ITCH: variants seen among roughly 807,000 people sequenced by gnomAD.
The protein encoded by ITCH is E3 ubiquitin-protein ligase Itchy homolog.
In ITCH, 28 loss-of-function variants were observed where a neutral mutation model predicts 126.8. The ratio of observed to expected loss-of-function variants is 0.22; its 90% confidence interval spans 0.16 to 0.30. The LOEUF is 0.30. Ranked by LOEUF, ITCH falls within the 10% of genes least tolerant of loss-of-function variation. The pLI is 1.00. For missense variants in ITCH, 631 were observed against 1,032.4 expected (o/e 0.61, Z 5.33); for synonymous variants, 342 against 340.0 (o/e 1.01, Z -0.06).
chr20:34,510,851 T>G lies in ITCH; in HGVS notation c.*3057T>G, dbSNP rs1186756974. 6.6e-6 allele frequency: 1 copy of G among 152,126 alleles called. No individual in the cohort carries two copies. Among genetic ancestry groups the G allele is most frequent in the Non-Finnish European group, 1.5e-5 (1 of 68,032 alleles). 9.4% of individuals were successfully genotyped at this position (152,126 alleles called of 1,614,324 possible). ...CAAAAAGACATATTCAGGTACTGAT[T>G]TTTCATCAAGAGATTGACATACCAA... On this transcript the variant is annotated 3_prime_UTR_variant, in exon 25 of 25. Coordinates refer to ENST00000374864, the MANE Select transcript of ITCH (RefSeq NM_031483.7).
At chr20:34,394,357 GT>G (rs968922750) in intron 3 of ITCH, among the ~76,000 whole-genome samples, 17 of 151,322 alleles carry the variant, frequency 1.1e-4, no homozygotes, top group Admixed American at 5.3e-4. Flanking sequence ...ATATTTTACA[GT>G]TTTTTTTTCC....
At position 34,381,864 on chromosome 20, in the gene ITCH, T is replaced by TA. The variant is rs751332155; in HGVS notation, c.-21-11910dup. On this transcript the variant is annotated intron_variant, in intron 2 of 24. Coordinates refer to ENST00000374864, the MANE Select transcript of ITCH (RefSeq NM_031483.7). ...TGTCAACAGAGCAAGTCCCTGTCTC[T>TA]AAAAAAAAAAAAAAAAATGGAAAGA... Among the ~76,000 whole-genome samples, 1,117 of 127,996 alleles carry TA rather than the reference T, an allele frequency of 8.7e-3. 8 individuals carry two copies. The highest frequency in any genetic ancestry group is 0.018 in the African/African-American group (628 of 34,450). The allele number at this position is 127,996 out of a possible 152,430, so 84.0% of individuals were successfully genotyped here.
chr20:34,412,435 A>G, intron 4 of ITCH, 80 bp from the exon 5 acceptor site: 1 of 1,144,794 alleles, frequency 8.7e-7, no homozygotes, highest in Non-Finnish European at 1.3e-6. Flanking sequence ...TTAGACTTTA[A>G]AACTGAATTG....
intron 20 of ITCH, among the ~76,000 whole-genome samples, chr20:34,485,618 A>G (rs893258168): frequency 8.5e-5 from 13 of 152,136 alleles, no homozygotes; most frequent in South Asian, 6.2e-4. Context: ...ATTTCAGATC[A>G]TTGATTTTAG....
At position 34,412,650 on chromosome 20, in the gene ITCH, A is replaced by G; in HGVS notation, c.337+11A>G. On this transcript the variant is annotated intron_variant, in intron 5 of 24. Transcript: ENST00000374864. ...CAAACAATATGAAACGTATGTATGT[A>G]AGACTAATAGAAATTGCACTTAGCT... The G allele has an allele frequency of 1.3e-6, 2 of 1,599,642 alleles. No homozygotes were observed. Among genetic ancestry groups the G allele is most frequent in the Admixed American group, 1.7e-5 (1 of 59,938 alleles).
At chr20:34,501,318 T>C (rs1183270473) in intron 23 of ITCH, among the ~76,000 whole-genome samples, 1 of 152,338 alleles carries the variant, frequency 6.6e-6, no homozygotes, top group South Asian at 2.1e-4. Flanking sequence ...TTAACTGTAA[T>C]ATAAGGGATT....
chr20:34,429,467 T>G (rs1981997437), intron 7 of ITCH, among the ~76,000 whole-genome samples: 1 of 152,210 alleles, frequency 6.6e-6, no homozygotes, highest in African/African-American at 2.4e-5. Context: ...TTCATTAGAT[T>G]TGGGGTGGGA....
At chr20:34,365,831 G>C (rs2037401827) in intron 1 of ITCH, among the ~76,000 whole-genome samples, 2 of 152,190 alleles carry the variant, frequency 1.3e-5, no homozygotes, top group African/African-American at 2.4e-5. Context: ...TTCTGAGATG[G>C]ATTTAGTAGG....
chr20:34,370,321 T>C (rs1221002378), intron 2 of ITCH, among the ~76,000 whole-genome samples: 1 of 152,012 alleles, frequency 6.6e-6, no homozygotes, highest in Non-Finnish European at 1.5e-5. Context: ...TCAAATAAAA[T>C]AATACCTATT....
rs557823104 is a variant in ITCH at position 34,492,784 on chromosome 20, C to T, written c.2416+187C>T. Among the ~76,000 whole-genome samples, 180 of 152,324 alleles carry T rather than the reference C, an allele frequency of 1.2e-3. 1 individual carries two copies. The highest frequency in any genetic ancestry group is 2.1e-3 in the Non-Finnish European group (140 of 68,024). ...TACTTACCTTTGTAGAAATTTTTAA[C>T]CCTCAAGCTAGAACCCACAGCTAAC... On this transcript the variant is annotated intron_variant, in intron 23 of 24. Coordinates refer to ENST00000374864, the MANE Select transcript of ITCH (RefSeq NM_031483.7).
Position 34,452,388 on chromosome 20 carries a change from C to T in ITCH, c.1210+2908C>T, listed in dbSNP as rs528902856. Among the ~76,000 whole-genome samples the T allele has an allele frequency of 3.3e-5, 5 of 152,288 alleles. No homozygotes were observed. The East Asian group carries it at 7.7e-4, about 23-fold the overall frequency. ...ATTAGAGTCTTGTTCTGCTATTTTA[C>T]AGTCTGCTTATTTTTAGGTTTCACA... On this transcript the variant is annotated intron_variant, in intron 12 of 24. Transcript: ENST00000374864.
chr20:34,490,725 G>A (rs968444408), intron 22 of ITCH, among the ~76,000 whole-genome samples: 4 of 152,188 alleles, frequency 2.6e-5, no homozygotes, highest in Non-Finnish European at 5.9e-5. Flanking sequence ...TGCCAAGGGC[G>A]CATTGCTGGT....
chr20:34,400,128 G>A (rs1181683821), intron 3 of ITCH, among the ~76,000 whole-genome samples: 1 of 151,918 alleles, frequency 6.6e-6, no homozygotes, highest in African/African-American at 2.4e-5. Flanking sequence ...TAGTAGAGAT[G>A]GAATTTTATC....
chr20:34,410,714 C>G (rs982355597), intron 4 of ITCH, among the ~76,000 whole-genome samples: 4 of 152,138 alleles, frequency 2.6e-5, no homozygotes, highest in Non-Finnish European at 5.9e-5. Context: ...CAAGTGGTAT[C>G]TATAAAAGGT....
At chr20:34,435,621 T>C (rs973526232) in intron 7 of ITCH, among the ~76,000 whole-genome samples, 16 of 152,202 alleles carry the variant, frequency 1.1e-4, no homozygotes, top group Non-Finnish European at 2.1e-4. Flanking sequence ...CTTTACTTAG[T>C]TTATTTACTC....
chr20:34,399,406 T>C (rs1342298308), intron 3 of ITCH, among the ~76,000 whole-genome samples: 1 of 151,630 alleles, frequency 6.6e-6, no homozygotes, highest in Non-Finnish European at 1.5e-5. Flanking sequence ...AATAAATAAA[T>C]AAAATAAAAA....
At chr20:34,497,588 G>GT (rs1390108118) in intron 23 of ITCH, among the ~76,000 whole-genome samples, 1 of 151,836 alleles carries the variant, frequency 6.6e-6, no homozygotes, top group Non-Finnish European at 1.5e-5. Flanking sequence ...TTTTGTTTTT[G>GT]TTTTTTGAGA....
intron 23 of ITCH, among the ~76,000 whole-genome samples, chr20:34,501,423 T>C (rs1485111070): frequency 1.3e-5 from 2 of 152,184 alleles, no homozygotes; most frequent in African/African-American, 4.8e-5. Flanking sequence ...AGAAGTCAAA[T>C]ATTTGTTCCT....
chr20:34,381,439 T>C (rs1244674328), intron 2 of ITCH, among the ~76,000 whole-genome samples: 2 of 151,838 alleles, frequency 1.3e-5, no homozygotes, highest in African/African-American at 4.8e-5. Context: ...TAATTTTTTT[T>C]TTTTTGAGAT....
Sources: allele counts gnomAD v4.1 joint callset (sites outside exome capture counted in the v4.1 genomes callset), GRCh38; gene constraint gnomAD v4.1.1; transcripts MANE v1.5; gene names NCBI Gene and HGNC (gene_info 2026-07-23, HGNC 2026-07-21).